The following TRPM1 variants were observed in gnomAD, a reference collection of about 807,000 sequenced individuals.
TRPM1 encodes the protein TRPM1-203 APA Isoform, Intron 10.
TRPM1 carries 113 observed loss-of-function variants against 149.4 expected under a neutral mutation model. That is an observed-to-expected ratio of 0.76 (90% confidence interval 0.65 to 0.88). The LOEUF (loss-of-function observed/expected upper bound fraction) is 0.88. Ranked by LOEUF, TRPM1 falls within the 40% of genes least tolerant of loss-of-function variation. TRPM1 has a pLI of 0.00. For missense variants in TRPM1, 1,976 were observed against 2,038.7 expected, an observed-to-expected ratio of 0.97 and a Z score of 0.59; for synonymous variants, 741 against 759.5, an observed-to-expected ratio of 0.98 and a Z score of 0.40.
At chr15:31,075,148 T>G (rs914582411) in intron 3 of TRPM1, among the ~76,000 whole-genome samples, 3 of 152,340 alleles carry the variant, frequency 2.0e-5, no homozygotes, top group African/African-American at 7.2e-5. Context: ...TGTTTTCTAT[T>G]GTTACTGGGT....
At chr15:31,118,224 C>G (rs1032870039) in intron 1 of TRPM1, among the ~76,000 whole-genome samples, 4 of 152,106 alleles carry the variant, frequency 2.6e-5, no homozygotes, top group African/African-American at 9.7e-5. Flanking sequence ...CACCACTGCA[C>G]TCCAGCCTGG....
rs61039099 is a variant in TRPM1 at position 31,072,018 on chromosome 15, TAGAGAGAGAG to T, written c.84-1802_84-1793del. ...ATATATATATATATATATATATATA[TAGAGAGAGAG>T]AGAGAGAGAGAGAGAGAGAGAGATT... is the stretch of plus-strand genomic sequence containing the variant. On this transcript the variant is annotated intron_variant, in intron 3 of 27. Transcript: ENST00000256552. 6.0e-3 allele frequency among the ~76,000 whole-genome samples: 222 copies of T among 36,852 alleles called. 1 individual carries two copies. The highest frequency in any genetic ancestry group is 8.0e-3 in the Non-Finnish European group (171 of 21,434). The allele number at this position is 36,852 out of a possible 152,430, so 24.2% of individuals were successfully genotyped here.
rs12916008 is a variant in TRPM1 at position 31,088,802 on chromosome 15, T to C, written c.-83-7364A>G. On this transcript the variant is annotated intron_variant, in intron 1 of 27. Coordinates refer to ENST00000256552, the MANE Select transcript of TRPM1 (RefSeq NM_001252024.2). ...TCAAACACCTGAACGTTCTTTCTGC[T>C]GGGGGGATGCGTCAGAGGAGGCCTT... Among the ~76,000 whole-genome samples, 25 of 150,318 alleles carry C rather than the reference T, an allele frequency of 1.7e-4. No homozygotes were observed. The East Asian group carries it at 3.6e-3, about 22-fold the overall frequency.
Position 31,113,253 on chromosome 15 carries a change from C to G in TRPM1, c.55-36269G>C, listed in dbSNP as rs193122402. 5.5e-4 allele frequency among the ~76,000 whole-genome samples: 83 copies of G among 152,264 alleles called. 1 individual carries two copies. The highest frequency in any genetic ancestry group is 5.4e-3 in the Admixed American group (83 of 15,304). Reference sequence around the variant, plus strand: ...CCAAATCAACAAGAAAGGGAGGGCTCCACAGGACAGGACCCCTGATTCTGC... The same window carrying G: ...CCAAATCAACAAGAAAGGGAGGGCTGCACAGGACAGGACCCCTGATTCTGC... On this transcript the variant is annotated intron_variant, in intron 1 of 26. Transcript: ENST00000542188.
chr15:31,127,880 G>A (rs1567070752), intron 1 of TRPM1, among the ~76,000 whole-genome samples: 3 of 152,316 alleles, frequency 2.0e-5, no homozygotes, highest in South Asian at 2.1e-4. Context: ...GTGTTAAAGC[G>A]ATGCCAAGGG....
chr15:31,029,078 T>C (rs1310438291), intron 24 of TRPM1, among the ~76,000 whole-genome samples: 2 of 152,204 alleles, frequency 1.3e-5, no homozygotes, highest in African/African-American at 2.4e-5. Flanking sequence ...ACTTCCCAAA[T>C]TGTTTAATCA....
chr15:31,123,599 A>C (rs2035907115), intron 1 of TRPM1, among the ~76,000 whole-genome samples: 1 of 152,234 alleles, frequency 6.6e-6, no homozygotes, highest in African/African-American at 2.4e-5. Context: ...TTTTATCAGG[A>C]ATAGTGGGAA....
chr15:31,084,162 A>G (rs11070796), intron 1 of TRPM1, among the ~76,000 whole-genome samples: 75,370 of 152,024 alleles, frequency 0.5, 19,219 homozygotes, highest in East Asian at 0.76. Flanking sequence ...TGGATCTTTA[A>G]AGACAGTGAT....
chr15:31,094,649 C>A (rs755867311), intron 1 of TRPM1, among the ~76,000 whole-genome samples: 3 of 152,152 alleles, frequency 2.0e-5, no homozygotes, highest in Non-Finnish European at 4.4e-5. Context: ...AAAAGCAAAT[C>A]AAAACCATGA....
At chr15:31,112,233 C>G (rs979629840) in intron 1 of TRPM1, among the ~76,000 whole-genome samples, 3 of 152,160 alleles carry the variant, frequency 2.0e-5, no homozygotes, top group African/African-American at 7.2e-5. Flanking sequence ...CCTGTAATCC[C>G]TTTAGGAGGC....
intron 1 of TRPM1, among the ~76,000 whole-genome samples, chr15:31,116,334 G>A (rs970093029): frequency 6.6e-6 from 1 of 152,220 alleles, no homozygotes; most frequent in African/African-American, 2.4e-5. Context: ...AGTGCCCGGC[G>A]CCGTGGCTCA....
chr15:31,012,515 G>C (rs1204763318), intron 27 of TRPM1, among the ~76,000 whole-genome samples: 1 of 152,176 alleles, frequency 6.6e-6, no homozygotes, highest in Non-Finnish European at 1.5e-5. Flanking sequence ...CATGTGATGA[G>C]TTGCTTCTCT....
In TRPM1 at chr15:31,002,291, A is replaced by G; in HGVS notation, c.4409T>C (p.Leu1470Pro). The change falls in exon 28 of 28, where the codon CTG becomes CCG. Residue 1470 changes from leucine to proline, a missense_variant. By Grantham distance (98) the Leu-to-Pro change is moderately conservative (BLOSUM62 -3). This residue lies in a region of TRPM1 where 572 missense variants were observed against 578.9 expected (regional missense o/e 0.99). Coordinates refer to ENST00000256552, the MANE Select transcript of TRPM1 (RefSeq NM_001252024.2). The part of the protein sequence containing the change: ...RSFVYSRGRK[L>P]VGGVNQDVEY... ...TACATCCTGGTTAACCCCACCGACC[A>G]GCTTTCTTCCCCGGGAATAGACGAA... 6.2e-7 allele frequency: 1 copy of G among 1,614,246 alleles called. No individual in the cohort carries two copies. Among genetic ancestry groups the G allele is most frequent in the Non-Finnish European group, 8.5e-7 (1 of 1,180,040 alleles).
chr15:31,113,153 T>A (rs899395257), intron 1 of TRPM1, among the ~76,000 whole-genome samples: 1 of 152,126 alleles, frequency 6.6e-6, no homozygotes, highest in Admixed American at 6.5e-5. Flanking sequence ...TCTGCCTGAA[T>A]CACCCCCTTC....
intron 1 of TRPM1, among the ~76,000 whole-genome samples, chr15:31,144,253 A>G (rs2036195471): frequency 6.6e-6 from 1 of 152,174 alleles, no homozygotes; most frequent in Non-Finnish European, 1.5e-5. Context: ...CCTGGGCAAC[A>G]TGGCAAAACC....
intron 1 of TRPM1, among the ~76,000 whole-genome samples, chr15:31,131,470 C>T (rs2036015152): frequency 1.3e-5 from 2 of 152,154 alleles, no homozygotes; most frequent in African/African-American, 4.8e-5. Flanking sequence ...GTTTTGCTGT[C>T]GCACTTCAAA....
Position 31,068,052 on chromosome 15 carries a change from A to G in TRPM1, c.320T>C (p.Leu107Pro). Residue 107 changes from leucine (L) to proline (P), a missense_variant, in exon 5 of 28, where the codon CTC (leucine) becomes CCC (proline). By Grantham distance (98) the Leu-to-Pro change is moderately conservative. Around this residue, in one of 3 missense-constraint regions of TRPM1, gnomAD observed 1,332 missense variants for 1,347.1 expected, o/e 0.99. Coordinates refer to ENST00000256552, the MANE Select transcript of TRPM1 (RefSeq NM_001252024.2). ...CTGCCAATCTTTCACCATGAGATGG[A>G]GCAGTGAGTCTGGCTTGGTGTCATA... ...VSYDTKPDSL[L>P]HLMVKDWQLE... is the part of the protein sequence containing the mutation. 6.2e-7 allele frequency: 1 copy of G among 1,614,204 alleles called. No individual in the cohort carries two copies. The highest frequency in any genetic ancestry group is 8.5e-7 in the Non-Finnish European group (1 of 1,180,034).
intron 27 of TRPM1, among the ~76,000 whole-genome samples, chr15:31,021,568 C>T (rs956344401): frequency 3.3e-5 from 5 of 151,894 alleles, no homozygotes; most frequent in Admixed American, 1.3e-4. Flanking sequence ...TGGTGGTGCA[C>T]GCCTGTAGCC....
intron 1 of TRPM1, among the ~76,000 whole-genome samples, chr15:31,143,147 A>G (rs2036180639): frequency 6.6e-6 from 1 of 152,220 alleles, no homozygotes; most frequent in East Asian, 1.9e-4. Context: ...AAGGAGGTTT[A>G]TAGAAAGAAT....
Sources: allele counts gnomAD v4.1 joint callset (sites outside exome capture counted in the v4.1 genomes callset), GRCh38; gene constraint gnomAD v4.1.1; regional missense constraint gnomAD v4.1.1; transcripts MANE v1.5; gene names NCBI Gene and HGNC (gene_info 2026-07-23, HGNC 2026-07-21).